ASIC2: variants seen among roughly 807,000 people sequenced by gnomAD.
The protein encoded by ASIC2 is acid sensing ion channel subunit 2, also known as acid-sensing ion channel 2.
ASIC2 carries 25 observed loss-of-function variants against 57.3 expected under a neutral mutation model. That is an observed-to-expected ratio of 0.44 (90% CI 0.32 to 0.61). The LOEUF (loss-of-function observed/expected upper bound fraction) is 0.61, where lower values mean the gene tolerates loss of function less well. Ranked by LOEUF, ASIC2 falls within the 20% of genes least tolerant of loss-of-function variation. The pLI is 0.06. For synonymous variants in ASIC2, 319 were observed against 307.5 expected (o/e 1.04, Z -0.39); for missense variants, 641 against 738.1 (o/e 0.87, Z 1.52).
intron 1 of ASIC2, among the ~76,000 whole-genome samples, chr17:33,749,300 C>A (rs1910359548): frequency 6.6e-6 from 1 of 151,918 alleles, no homozygotes; most frequent in South Asian, 2.1e-4. Context: ...CCCCCAACCC[C>A]AAGACCCCAT....
At chr17:33,344,213 T>A (rs1005690990) in intron 1 of ASIC2, among the ~76,000 whole-genome samples, 16 of 152,298 alleles carry the variant, frequency 1.1e-4, no homozygotes, top group African/African-American at 3.8e-4. Context: ...GGATGCTCAG[T>A]AAATATTTTG....
At chr17:33,460,686 G>A (rs1021672211) in intron 1 of ASIC2, among the ~76,000 whole-genome samples, 1 of 152,190 alleles carries the variant, frequency 6.6e-6, no homozygotes, top group Admixed American at 6.5e-5. Flanking sequence ...CATGTGTCAG[G>A]CATGAGCTTA....
chr17:33,866,588 C>G (rs1914244142), intron 1 of ASIC2, among the ~76,000 whole-genome samples: 6 of 152,132 alleles, frequency 3.9e-5, no homozygotes, highest in Admixed American at 3.3e-4. Flanking sequence ...TTCCAGGTTT[C>G]TTAAGTTAAT....
At chr17:34,067,980 C>T (rs1328348451) in intron 1 of ASIC2, among the ~76,000 whole-genome samples, 4 of 152,132 alleles carry the variant, frequency 2.6e-5, no homozygotes, top group African/African-American at 9.7e-5. Context: ...CATTTACTAC[C>T]ACACATACAT....
intron 4 of ASIC2, among the ~76,000 whole-genome samples, chr17:33,026,958 A>G (rs2091861806): frequency 6.6e-6 from 1 of 152,100 alleles, no homozygotes; most frequent in African/African-American, 2.4e-5. Context: ...CCATTTTATT[A>G]TTATTCGTAT....
rs533502848 is a variant in ASIC2 at position 33,717,933 on chromosome 17, A to G, written c.555+438045T>C. 1.1e-4 allele frequency among the ~76,000 whole-genome samples: 16 copies of G among 152,258 alleles called. No individual in the cohort carries two copies. The South Asian group carries it at 3.3e-3, about 32-fold the overall frequency. On this transcript the variant is annotated intron_variant, in intron 1 of 9. Transcript: ENST00000359872. ...TTTTATTATCGTAGGGAGTAAGCTGATTAAAAATAATTATCAAAAGGAGTG... is the reference window on the plus strand; with the variant it reads ...TTTTATTATCGTAGGGAGTAAGCTGGTTAAAAATAATTATCAAAAGGAGTG...
At chr17:33,779,023 GGCACATAGTAGGTGCTCA>G (rs1358176059) in intron 1 of ASIC2, among the ~76,000 whole-genome samples, 1 of 152,142 alleles carries the variant, frequency 6.6e-6, no homozygotes, top group Non-Finnish European at 1.5e-5. Flanking sequence ...TGTGGTGCTT[GGCACATAGTAGGTGCTCA>G]AAAAATCTGT....
At chr17:33,692,602 A>G (rs549363009) in intron 1 of ASIC2, 1 of 152,348 alleles carries the variant, frequency 6.6e-6, no homozygotes, top group African/African-American at 2.4e-5. Context: ...AAACCAGTAC[A>G]CCTGTATAGG....
intron 1 of ASIC2, among the ~76,000 whole-genome samples, chr17:33,226,361 G>T (rs1799031902): frequency 6.6e-6 from 1 of 152,202 alleles, no homozygotes; most frequent in African/African-American, 2.4e-5. Flanking sequence ...CTTAGAAAGT[G>T]ATGTATAAAT....
intron 1 of ASIC2, chr17:33,932,535 GA>G (rs1289029006): frequency 6.6e-6 from 1 of 151,130 alleles, no homozygotes; most frequent in Non-Finnish European, 1.5e-5. Context: ...CCAACATGGA[GA>G]AACCCTGTCT....
intron 1 of ASIC2, among the ~76,000 whole-genome samples, chr17:33,157,900 C>A (rs1350352036): frequency 1.3e-5 from 2 of 152,226 alleles, no homozygotes; most frequent in African/African-American, 4.8e-5. Context: ...TCATCACCTA[C>A]CACTTCTCCC....
chr17:33,323,726 C>G (rs767317769), intron 1 of ASIC2, among the ~76,000 whole-genome samples: 3 of 152,068 alleles, frequency 2.0e-5, no homozygotes, highest in Non-Finnish European at 4.4e-5. Context: ...ACCACACCCC[C>G]GCCCCAAAAA....
intron 1 of ASIC2, among the ~76,000 whole-genome samples, chr17:33,590,408 A>C (rs1442046932): frequency 6.6e-6 from 1 of 152,040 alleles, no homozygotes; most frequent in Non-Finnish European, 1.5e-5. Flanking sequence ...GCAAAGGGGG[A>C]GTCATCCCAG....
chr17:33,866,960 A>C (rs576899184), intron 1 of ASIC2, among the ~76,000 whole-genome samples: 18 of 152,364 alleles, frequency 1.2e-4, no homozygotes, highest in Middle Eastern at 3.4e-3. Context: ...CCTTGGACAC[A>C]TCAGTCATGC....
chr17:33,724,154 A>C (rs149294510), intron 1 of ASIC2, among the ~76,000 whole-genome samples: 1 of 152,216 alleles, frequency 6.6e-6, no homozygotes, highest in African/African-American at 2.4e-5. Context: ...CTCGGTTCTC[A>C]TTCTCTCTCT....
At chr17:33,913,156 G>A (rs1275368598) in intron 1 of ASIC2, among the ~76,000 whole-genome samples, 1 of 151,828 alleles carries the variant, frequency 6.6e-6, no homozygotes, top group Non-Finnish European at 1.5e-5. Context: ...CTTACAAGGA[G>A]CCGGGACTAT....
At chr17:33,918,036 T>A (rs2141963227) in intron 1 of ASIC2, among the ~76,000 whole-genome samples, 1 of 152,086 alleles carries the variant, frequency 6.6e-6, no homozygotes, top group East Asian at 1.9e-4. Context: ...GCCTTCCCAA[T>A]ATTATTTTTG....
At chr17:33,663,449 G>GTTT (rs56220894) in intron 1 of ASIC2, among the ~76,000 whole-genome samples, 162 of 147,612 alleles carry the variant, frequency 1.1e-3, no homozygotes, top group African/African-American at 3.9e-3. Flanking sequence ...TAATGCCGTC[G>GTTT]TTTTTTTTTT....
At chr17:34,011,144 CACAT>C (rs1906740273) in intron 1 of ASIC2, among the ~76,000 whole-genome samples, 2 of 152,320 alleles carry the variant, frequency 1.3e-5, no homozygotes, top group South Asian at 4.1e-4. Context: ...CACACACACA[CACAT>C]AGACACATAG....
Sources: allele counts gnomAD v4.1 joint callset (sites outside exome capture counted in the v4.1 genomes callset), GRCh38; gene constraint gnomAD v4.1.1; transcripts MANE v1.5; gene names NCBI Gene and HGNC (gene_info 2026-07-23, HGNC 2026-07-21).